Variants in EVC observed in about 807,000 individuals in gnomAD.
EVC encodes evC complex member EVC.
EVC carries 116 observed loss-of-function variants against 118.9 expected under a neutral mutation model. The ratio of observed to expected loss-of-function variants is 0.98; its 90% confidence interval spans 0.84 to 1.14. The LOEUF is 1.14. Among genes scored for constraint, EVC ranks in the 50% most tolerant of loss-of-function variants. The pLI is 0.00. For synonymous variants in EVC, 619 were observed against 534.7 expected (o/e 1.16, Z -2.18); for missense variants, 1,401 against 1,246.4 (o/e 1.12, Z -1.87).
chr4:5,716,618 T>C (rs1228260569), intron 1 of EVC, among the ~76,000 whole-genome samples: 5 of 152,104 alleles, frequency 3.3e-5, no homozygotes, highest in Admixed American at 2.6e-4. Context: ...CAGGGACATA[T>C]GTTAAGATGT....
At chr4:5,723,839 A>G (rs1725375204) in intron 2 of EVC, among the ~76,000 whole-genome samples, 1 of 152,080 alleles carries the variant, frequency 6.6e-6, no homozygotes. Flanking sequence ...TTTGCAATGG[A>G]CTCTGCAAGT....
intron 12 of EVC, among the ~76,000 whole-genome samples, chr4:5,786,242 T>C (rs1711567985): frequency 1.3e-5 from 2 of 152,256 alleles, no homozygotes; most frequent in African/African-American, 2.4e-5. Flanking sequence ...CAATATCTGT[T>C]GAATCATTTA....
At chr4:5,769,062 C>G (rs1435218945) in intron 11 of EVC, among the ~76,000 whole-genome samples, 1 of 152,002 alleles carries the variant, frequency 6.6e-6, no homozygotes, top group Non-Finnish European at 1.5e-5. Flanking sequence ...TGATGGTCAC[C>G]TATATTAATT....
chr4:5,804,217 C>G (rs542129640), intron 16 of EVC, among the ~76,000 whole-genome samples: 1 of 152,254 alleles, frequency 6.6e-6, no homozygotes, highest in Admixed American at 6.5e-5. Context: ...GGATTACAAG[C>G]GTGAGCCACC....
At chr4:5,825,717 G>A in the EVC span, 974 of 1,562,920 alleles carry the variant, frequency 6.2e-4, 6 homozygotes, top group East Asian at 0.02. The surrounding 1 kb of genome is among the most constrained non-coding windows in gnomAD (Gnocchi z 4.4). Context: ...GCCCTTCTGG[G>A]CAGATAAAGC....
In EVC at chr4:5,756,207, A is replaced by G; in HGVS notation, c.1465-57A>G. 8.7e-6 allele frequency: 9 copies of G among 1,031,800 alleles called. No individual in the cohort carries two copies. Among genetic ancestry groups the G allele is most frequent in the East Asian group, 3.4e-5 (1 of 29,092 alleles). 63.9% of individuals were successfully genotyped at this position (1,031,800 alleles called of 1,614,324 possible). On this transcript the variant is annotated intron_variant, in intron 10 of 20. Transcript: ENST00000264956. This position sits in a 1 kb window ranked among gnomAD's most constrained non-coding sequence, Gnocchi z 4.2. ...GGGGATGGTTGGAGAACCTTCTGGAAAAAAAAAAAAAAACCCTGCATGTTT... is the reference window on the plus strand; with the variant it reads ...GGGGATGGTTGGAGAACCTTCTGGAGAAAAAAAAAAAAACCCTGCATGTTT...
Position 5,719,382 on chromosome 4 carries a change from G to A in EVC, c.300+9G>A, listed in dbSNP as rs1258847320. 6.2e-7 allele frequency: 1 copy of A among 1,614,136 alleles called. No homozygotes were observed. Among genetic ancestry groups the A allele is most frequent in the South Asian group, 1.1e-5 (1 of 91,084 alleles). ...ACAAGGAAGCTGTTGATGTAAGCTT[G>A]GTGTTGATGTTTGTTTGTGGAGGCA... On this transcript the variant is annotated intron_variant, in intron 2 of 20. Coordinates refer to ENST00000264956, the MANE Select transcript of EVC (RefSeq NM_153717.3). The surrounding 1 kb of genome is among the most constrained non-coding windows in gnomAD (Gnocchi z 4.7).
the EVC span, among the ~76,000 whole-genome samples, chr4:5,823,259 C>G: frequency 1.3e-5 from 2 of 152,220 alleles, no homozygotes; most frequent in Non-Finnish European, 2.9e-5. Flanking sequence ...ATGTAAGCCA[C>G]TAAGAATTTG....
intron 19 of EVC, 148 bp downstream of exon 19, chr4:5,809,759 C>A: frequency 1.3e-6 from 1 of 771,062 alleles, no homozygotes; most frequent in East Asian, 2.7e-5. Flanking sequence ...TGTAAATGAG[C>A]AGGCTTGGCT....
intron 12 of EVC, among the ~76,000 whole-genome samples, chr4:5,792,966 T>C (rs1233111484): frequency 6.6e-6 from 1 of 152,180 alleles, no homozygotes; most frequent in Non-Finnish European, 1.5e-5. Flanking sequence ...GGCGATTCTC[T>C]CCAAATTGAT....
Position 5,813,874 on chromosome 4 carries a change from T to C in EVC, c.*2837T>C, listed in dbSNP as rs1040732115. ...GCACAGTCTGGGGCACAGGCCTCCA[T>C]GATGAAGACGCGTGGGCTGTCGGTG... On this transcript the variant is annotated 3_prime_UTR_variant, in exon 21 of 21. Coordinates refer to ENST00000264956, the MANE Select transcript of EVC (RefSeq NM_153717.3). 3.3e-5 allele frequency: 5 copies of C among 152,244 alleles called. No individual in the cohort carries two copies. Among genetic ancestry groups the C allele is most frequent in the Non-Finnish European group, 5.9e-5 (4 of 68,046 alleles). The allele number at this position is 152,244 out of a possible 1,614,324, so 9.4% of individuals were successfully genotyped here.
intron 18 of EVC, among the ~76,000 whole-genome samples, chr4:5,808,801 C>G (rs949766105): frequency 1.3e-5 from 2 of 152,116 alleles, no homozygotes; most frequent in African/African-American, 4.8e-5. Context: ...TGAGGTTATA[C>G]AGTGAGATGT....
At chr4:5,751,913 C>T (rs1156295022) in intron 8 of EVC, among the ~76,000 whole-genome samples, 1 of 152,128 alleles carries the variant, frequency 6.6e-6, no homozygotes, top group African/African-American at 2.4e-5. Context: ...GACAGGGCCC[C>T]ACAGAACTTC....
At position 5,753,945 on chromosome 4, in the gene EVC, C is replaced by A. The variant is rs753296851; in HGVS notation, c.1464+12C>A. The A allele has an allele frequency of 1.9e-6, 3 of 1,612,620 alleles. No homozygotes were observed. Among genetic ancestry groups the A allele is most frequent in the Non-Finnish European group, 2.5e-6 (3 of 1,179,992 alleles). On this transcript the variant is annotated intron_variant, in intron 10 of 20. Transcript: ENST00000264956. The stretch of plus-strand genomic sequence containing the variant: ...AAAAGTTTCTCGAGGTGACTCACAT[C>A]CCCAGCCTCTGCACATGTGGGTGAG...
Position 5,793,711 on chromosome 4 carries a change from C to G in EVC, c.1880C>G (p.Thr627Ser), listed in dbSNP as rs1713227170. 1.3e-6 allele frequency: 2 copies of G among 1,549,608 alleles called. No individual in the cohort carries two copies. Among genetic ancestry groups the G allele is most frequent in the South Asian group, 1.2e-5 (1 of 83,990 alleles). Reference protein sequence around the residue: ...RGVLGRLGGLTEESTRCVLQG... With the variant: ...RGVLGRLGGLSEESTRCVLQG... ...GTCTTGGGCCGACTGGGCGGCCTCA[C>G]TGAAGAGTGAGTACAGCTCCCTGAA... Residue 627 changes from threonine (T) to serine (S), a missense_variant, in exon 13 of 21, where the codon ACT becomes AGT. Thr to Ser is a moderately conservative substitution (Grantham distance 58). Transcript: ENST00000264956.
rs559896073 is a variant in EVC at position 5,768,141 on chromosome 4, A to C, written c.1563+11779A>C. Among the ~76,000 whole-genome samples, 4 of 152,224 alleles carry C rather than the reference A, an allele frequency of 2.6e-5. No individual in the cohort carries two copies. In the East Asian group the frequency reaches 7.7e-4, roughly 29 times the overall value. On this transcript the variant is annotated intron_variant, in intron 11 of 20. Transcript: ENST00000264956. ...GAAGCTGGGGAGGAAGGTAGGGAGA[A>C]AGGGGCAGAAGAGGAGGGGATGAGT...
chr4:5,772,633 A>G (rs1459473184), intron 11 of EVC, among the ~76,000 whole-genome samples: 1 of 151,934 alleles, frequency 6.6e-6, no homozygotes, highest in Non-Finnish European at 1.5e-5. Flanking sequence ...CCTGACCCAC[A>G]AGGTCTTCCT....
At chr4:5,785,125 C>T (rs1395601600) in intron 12 of EVC, among the ~76,000 whole-genome samples, 6 of 152,294 alleles carry the variant, frequency 3.9e-5, no homozygotes, top group African/African-American at 1.4e-4. Context: ...GCTTCTGTTT[C>T]CTGATACCAG....
At chr4:5,802,134 G>A (rs1338643918) in intron 16 of EVC, 40 bp downstream of exon 16, 1 of 1,613,180 alleles carries the variant, frequency 6.2e-7, no homozygotes, top group Non-Finnish European at 8.5e-7. Flanking sequence ...GAAGAGACTG[G>A]CAATGTGTGC....
Sources: allele counts gnomAD v4.1 joint callset (sites outside exome capture counted in the v4.1 genomes callset), GRCh38; gene constraint gnomAD v4.1.1; non-coding constraint Gnocchi (gnomAD v3.1); transcripts MANE v1.5; gene names NCBI Gene and HGNC (gene_info 2026-07-23, HGNC 2026-07-21).